Variants in PTPN3 observed in about 807,000 individuals in gnomAD.
PTPN3 encodes tyrosine-protein phosphatase non-receptor type 3.
PTPN3 carries 96 observed loss-of-function variants against 132.7 expected under a neutral mutation model. That is an observed-to-expected ratio of 0.72 (90% CI 0.61 to 0.86). PTPN3 has a LOEUF of 0.86. Among genes scored for constraint, PTPN3 ranks in the 40% least tolerant of loss-of-function variants. PTPN3 has a pLI of 0.00. For missense variants in PTPN3, 1,125 were observed against 1,159.6 expected, an observed-to-expected ratio of 0.97 and a Z score of 0.43; for synonymous variants, 398 against 429.0, an observed-to-expected ratio of 0.93 and a Z score of 0.89.
chr9:109,410,309 C>G lies in PTPN3; in HGVS notation c.1420G>C (p.Asp474His). 1 of 1,614,164 alleles carries G rather than the reference C, an allele frequency of 6.2e-7. No individual in the cohort carries two copies. Among genetic ancestry groups the G allele is most frequent in the Non-Finnish European group, 8.5e-7 (1 of 1,180,030 alleles). Residue 474 changes from aspartate (D) to histidine (H), a missense_variant, in exon 15 of 26, where the codon GAT becomes CAT. Physicochemically the swap from Asp to His is moderately conservative, Grantham distance 81. Transcript: ENST00000374541. The stretch of plus-strand genomic sequence containing the variant: ...TGGAAGTCATCTAAGAGCTGCTGAT[C>G]AACGCCGTCAGGTGAGCAGGAGCCT... ...APGSCSPDGV[D>H]QQLLDDFHRV...
intron 21 of PTPN3, among the ~76,000 whole-genome samples, chr9:109,390,884 T>C (rs1840018982): frequency 6.6e-6 from 1 of 152,192 alleles, no homozygotes; most frequent in African/African-American, 2.4e-5. Flanking sequence ...ACGATTGAAT[T>C]AGAAACACAG....
At chr9:109,393,323 T>C (rs1244789520) in intron 19 of PTPN3, among the ~76,000 whole-genome samples, 1 of 152,084 alleles carries the variant, frequency 6.6e-6, no homozygotes, top group African/African-American at 2.4e-5. Context: ...AAATTTTTTT[T>C]ACTCAAACTT....
chr9:109,523,811 A>G, the PTPN3 span, among the ~76,000 whole-genome samples: 1 of 48,658 alleles, frequency 2.1e-5, no homozygotes, highest in Non-Finnish European at 4.0e-5. Flanking sequence ...GCCTTCTGCA[A>G]GTCTCTTCCT....
the PTPN3 span, among the ~76,000 whole-genome samples, chr9:109,513,189 C>CT: frequency 0.017 from 2,574 of 148,728 alleles, 66 homozygotes; most frequent in African/African-American, 0.06. Context: ...TCTTAAATTT[C>CT]TTTTTTTTTT....
chr9:109,450,797 C>T (rs1845193730), intron 5 of PTPN3: 1 of 985,436 alleles, frequency 1.0e-6, no homozygotes, highest in Non-Finnish European at 1.2e-6. Flanking sequence ...AATGTAATGA[C>T]CTCTCTTGTG....
At chr9:109,510,573 AAAAATATATAT>A in the PTPN3 span, among the ~76,000 whole-genome samples, 7 of 50,844 alleles carry the variant, frequency 1.4e-4, no homozygotes, top group South Asian at 8.5e-4. Flanking sequence ...AAAAAAAAAA[AAAAATATATAT>A]ATATATATAT....
At chr9:109,517,939 G>A in the PTPN3 span, among the ~76,000 whole-genome samples, 1 of 152,290 alleles carries the variant, frequency 6.6e-6, no homozygotes, top group Admixed American at 6.5e-5. Context: ...CTGTGGTTTG[G>A]CAATGACTGC....
chr9:109,506,628 G>A, the PTPN3 span, among the ~76,000 whole-genome samples: 1 of 144,572 alleles, frequency 6.9e-6, no homozygotes, highest in African/African-American at 2.6e-5. Flanking sequence ...TTTGCGACAG[G>A]GTCTATCTCT....
chr9:109,453,544 C>T (rs1845387983), intron 5 of PTPN3, among the ~76,000 whole-genome samples: 1 of 152,186 alleles, frequency 6.6e-6, no homozygotes, highest in African/African-American at 2.4e-5. Context: ...ACCCCAGTAC[C>T]AGCCCAGGGT....
At chr9:109,468,046 G>C (rs1033608847) in intron 1 of PTPN3, among the ~76,000 whole-genome samples, 1 of 152,188 alleles carries the variant, frequency 6.6e-6, no homozygotes, top group Non-Finnish European at 1.5e-5. Context: ...GGTATTTTCA[G>C]ATTGTCTTGA....
chr9:109,436,721 T>C lies in PTPN3; in HGVS notation c.675+162A>G, dbSNP rs140741719. Reference sequence around the variant, plus strand: ...CATTAAAAAAAAGCAATTGGACAAATGACCAACAAAAAATTCAGCATTACT... The same window carrying C: ...CATTAAAAAAAAGCAATTGGACAAACGACCAACAAAAAATTCAGCATTACT... On this transcript the variant is annotated intron_variant, in intron 9 of 25. Coordinates refer to ENST00000374541, the MANE Select transcript of PTPN3 (RefSeq NM_002829.4). Among the ~76,000 whole-genome samples the C allele has an allele frequency of 1.4e-4, 22 of 152,086 alleles. No homozygotes were observed. In the East Asian group the frequency reaches 3.9e-3, roughly 27 times the overall value.
chr9:109,475,768 T>C (rs1191929762), intron 1 of PTPN3, among the ~76,000 whole-genome samples: 1 of 152,162 alleles, frequency 6.6e-6, no homozygotes, highest in Non-Finnish European at 1.5e-5. Flanking sequence ...AAAGTCACTT[T>C]GAAAGGTTTG....
chr9:109,416,430 TTGTTTTTTGTTTTTTTGTTTC>T (rs1842492640), intron 14 of PTPN3, among the ~76,000 whole-genome samples: 1 of 149,968 alleles, frequency 6.7e-6, no homozygotes, highest in African/African-American at 2.5e-5. Flanking sequence ...CAGAAGTTTT[TTGTTTTTTGTTTTTTTGTTTC>T]TTTTTTTTTT....
chr9:109,432,938 G>A (rs1306155806), intron 10 of PTPN3, 135 bp downstream of exon 10: 2 of 1,403,844 alleles, frequency 1.4e-6, no homozygotes, highest in African/African-American at 2.9e-5. Flanking sequence ...CAAATTTAGA[G>A]GTCAGAGTAA....
At chr9:109,449,825 T>C in intron 5 of PTPN3, 2 of 985,428 alleles carry the variant, frequency 2.0e-6, no homozygotes, top group Non-Finnish European at 2.4e-6. Flanking sequence ...TCAGTTTCAT[T>C]ATTCCTTCAA....
intron 2 of PTPN3, among the ~76,000 whole-genome samples, chr9:109,461,600 T>TA (rs370956416): frequency 2.6e-4 from 40 of 151,906 alleles, no homozygotes; most frequent in African/African-American, 8.0e-4. Context: ...TACAAAAAAA[T>TA]AAAAAAATTA....
the PTPN3 span, among the ~76,000 whole-genome samples, chr9:109,520,172 A>AG: frequency 2.0e-5 from 3 of 151,804 alleles, no homozygotes; most frequent in East Asian, 3.9e-4. Context: ...AAAAAAAAAA[A>AG]AGAAATGCCT....
the PTPN3 span, among the ~76,000 whole-genome samples, chr9:109,526,819 A>C: frequency 6.6e-6 from 1 of 152,262 alleles, no homozygotes; most frequent in Admixed American, 6.5e-5. Flanking sequence ...TGGATAAATA[A>C]GTAGACAAAG....
At chr9:109,468,111 T>A (rs1846190438) in intron 1 of PTPN3, among the ~76,000 whole-genome samples, 1 of 152,170 alleles carries the variant, frequency 6.6e-6, no homozygotes, top group South Asian at 2.1e-4. Context: ...ACTGCCCTGT[T>A]TCCTGTACTA....
Sources: allele counts gnomAD v4.1 joint callset (sites outside exome capture counted in the v4.1 genomes callset), GRCh38; gene constraint gnomAD v4.1.1; transcripts MANE v1.5; gene names NCBI Gene and HGNC (gene_info 2026-07-23, HGNC 2026-07-21).